CTNNA3: variants seen among roughly 807,000 people sequenced by gnomAD.
The protein encoded by CTNNA3 is catenin alpha 3, also known as catenin alpha-3.
CTNNA3 carries 76 observed loss-of-function variants against 95.7 expected under a neutral mutation model. The observed-to-expected ratio is 0.79, with a 90% CI of 0.66 to 0.96. The LOEUF (loss-of-function observed/expected upper bound fraction) is 0.96. Ranked by LOEUF, CTNNA3 falls within the 40% of genes least tolerant of loss-of-function variation. CTNNA3 has a pLI of 0.00. For synonymous variants in CTNNA3, 431 were observed against 374.4 expected, an observed-to-expected ratio of 1.15 and a Z score of -1.74; for missense variants, 1,191 against 1,089.8, an observed-to-expected ratio of 1.09 and a Z score of -1.31.
chr10:66,452,113 G>A (rs889569477), intron 11 of CTNNA3, among the ~76,000 whole-genome samples: 3 of 152,160 alleles, frequency 2.0e-5, no homozygotes, highest in African/African-American at 7.2e-5. Context: ...CAGTGTAATT[G>A]CCTGATGGGT....
At chr10:66,207,915 T>C (rs1197285938) in intron 13 of CTNNA3, among the ~76,000 whole-genome samples, 1 of 152,022 alleles carries the variant, frequency 6.6e-6, no homozygotes, top group East Asian at 1.9e-4. Flanking sequence ...GCTGTAGTCA[T>C]TCACAGAAGC....
At chr10:66,624,578 G>T (rs1844867562) in intron 9 of CTNNA3, among the ~76,000 whole-genome samples, 1 of 151,814 alleles carries the variant, frequency 6.6e-6, no homozygotes, top group Non-Finnish European at 1.5e-5. Flanking sequence ...GTAGTAGGCT[G>T]GGGTTGTGGG....
intron 12 of CTNNA3, among the ~76,000 whole-genome samples, chr10:66,371,845 T>C (rs2092756875): frequency 6.6e-6 from 1 of 152,180 alleles, no homozygotes; most frequent in East Asian, 1.9e-4. Flanking sequence ...TGATTTAAAC[T>C]CTACTAAGAT....
chr10:66,649,941 A>C (rs962509272), intron 9 of CTNNA3, among the ~76,000 whole-genome samples: 3 of 152,244 alleles, frequency 2.0e-5, no homozygotes, highest in African/African-American at 7.2e-5. Context: ...CCGGAAGCTA[A>C]AACATCCCAT....
At chr10:66,665,264 T>C (rs1846410840) in intron 9 of CTNNA3, among the ~76,000 whole-genome samples, 1 of 152,158 alleles carries the variant, frequency 6.6e-6, no homozygotes, top group Non-Finnish European at 1.5e-5. Flanking sequence ...AAAATTGGAC[T>C]AAAATGGGTG....
At chr10:67,719,506 T>G (rs1841165264) in intron 1 of CTNNA3, among the ~76,000 whole-genome samples, 1 of 152,208 alleles carries the variant, frequency 6.6e-6, no homozygotes. Flanking sequence ...TGTGTCTTTG[T>G]TCTTATTGGT....
At chr10:67,236,524 G>A (rs1204289413) in intron 5 of CTNNA3, among the ~76,000 whole-genome samples, 2 of 145,600 alleles carry the variant, frequency 1.4e-5, no homozygotes, top group Admixed American at 6.9e-5. Flanking sequence ...GGTGGGGGGG[G>A]TGGGGAGGGA....
intron 5 of CTNNA3, among the ~76,000 whole-genome samples, chr10:67,442,205 A>G (rs1480293591): frequency 6.6e-6 from 1 of 152,168 alleles, no homozygotes; most frequent in East Asian, 1.9e-4. Context: ...GTAACCTCAA[A>G]TTGAAAAAAC....
At position 67,258,132 on chromosome 10, in the gene CTNNA3, G is replaced by C. The variant is rs142233100; in HGVS notation, c.580-38262C>G. 4.1e-3 allele frequency among the ~76,000 whole-genome samples: 630 copies of C among 152,050 alleles called. 2 individuals carry two copies. The highest frequency in any genetic ancestry group is 0.014 in the Middle Eastern group (4 of 294). ...CATTTCCTTGCTCATTTCAACAATG[G>C]TTATCCTTTGTTTGTTTGTTTGTTT... On this transcript the variant is annotated intron_variant, in intron 5 of 17. Transcript: ENST00000433211.
chr10:67,603,321 C>T (rs191096361), intron 3 of CTNNA3, among the ~76,000 whole-genome samples: 1 of 152,212 alleles, frequency 6.6e-6, no homozygotes, highest in Admixed American at 6.5e-5. Context: ...TGACGGTGGT[C>T]CCATAGGAAT....
rs573115202 is a variant in CTNNA3, at chr10:66,385,002, A to G, written c.1532-5650T>C. Among the ~76,000 whole-genome samples, 104 of 152,360 alleles carry G rather than the reference A, an allele frequency of 6.8e-4. 1 individual carries two copies. Among genetic ancestry groups the G allele is most frequent in the African/African-American group, 2.4e-3 (99 of 41,594 alleles). ...CAAGAGAAAGCAGGAAAGATCTAAAATTGACACCCTAACATCACAATTAAA... is the reference window on the plus strand; with the variant it reads ...CAAGAGAAAGCAGGAAAGATCTAAAGTTGACACCCTAACATCACAATTAAA... On this transcript the variant is annotated intron_variant, in intron 11 of 17. Coordinates refer to ENST00000433211, the MANE Select transcript of CTNNA3 (RefSeq NM_013266.4).
At chr10:67,063,765 T>C (rs1386039003) in intron 7 of CTNNA3, among the ~76,000 whole-genome samples, 2 of 152,248 alleles carry the variant, frequency 1.3e-5, no homozygotes, top group Admixed American at 6.5e-5. Context: ...CTCTTATCAG[T>C]AGAAATTTCT....
intron 12 of CTNNA3, among the ~76,000 whole-genome samples, chr10:66,299,840 G>C (rs1365306199): frequency 1.3e-5 from 2 of 152,046 alleles, no homozygotes; most frequent in African/African-American, 4.8e-5. Context: ...GAACAACTAA[G>C]AATAGAAAAA....
At chr10:67,167,500 T>A (rs553048222) in intron 7 of CTNNA3, among the ~76,000 whole-genome samples, 1 of 152,348 alleles carries the variant, frequency 6.6e-6, no homozygotes, top group African/African-American at 2.4e-5. Context: ...ATGTTACTTC[T>A]GCCATATTTA....
chr10:66,712,978 C>G (rs1848343161), intron 9 of CTNNA3, among the ~76,000 whole-genome samples: 2 of 152,028 alleles, frequency 1.3e-5, no homozygotes, highest in South Asian at 4.2e-4. Flanking sequence ...TCTGGTAGTT[C>G]TGGGAAAGCT....
intron 10 of CTNNA3, among the ~76,000 whole-genome samples, chr10:66,550,836 G>T (rs1842193697): frequency 6.6e-6 from 1 of 150,906 alleles, no homozygotes. Context: ...GTTTGTTCTA[G>T]AGATTACAAT....
chr10:66,429,859 C>G (rs2093278841), intron 11 of CTNNA3, among the ~76,000 whole-genome samples: 1 of 151,966 alleles, frequency 6.6e-6, no homozygotes, highest in Non-Finnish European at 1.5e-5. Context: ...GGGATGCCCT[C>G]TCCCACCACT....
chr10:66,776,708 T>G (rs1417893038), intron 7 of CTNNA3, among the ~76,000 whole-genome samples: 1 of 152,172 alleles, frequency 6.6e-6, no homozygotes, highest in East Asian at 1.9e-4. Context: ...TGAAGTCCTA[T>G]CTACTCCTCA....
At chr10:66,966,630 C>T (rs114273724) in intron 7 of CTNNA3, among the ~76,000 whole-genome samples, 3,436 of 151,862 alleles carry the variant, frequency 0.023, 126 homozygotes, top group African/African-American at 0.079. Context: ...TAATTTACGG[C>T]GAGGGGGAAG....
Sources: gnomAD v4.1 joint callset for allele counts (sites outside exome capture counted in the v4.1 genomes callset) on GRCh38, gnomAD v4.1.1 for gene constraint, MANE v1.5 for transcripts, NCBI Gene and HGNC (gene_info 2026-07-23, HGNC 2026-07-21) for gene names.